Variants in STAC observed in about 807,000 individuals in gnomAD.
The protein encoded by STAC is SH3 and cysteine rich domain, also known as SH3 and cysteine-rich domain-containing protein.
A neutral mutation model predicts 48.8 loss-of-function variants in STAC; 43 were observed. The observed-to-expected ratio is 0.88, with a 90% CI of 0.69 to 1.14. The LOEUF is 1.14. STAC is among the 50% of genes most tolerant of loss of function. The pLI, the probability that STAC is intolerant of heterozygous loss-of-function variation, is 0.00. For synonymous variants in STAC, 193 were observed against 179.5 expected, an observed-to-expected ratio of 1.07 and a Z score of -0.60; for missense variants, 497 against 504.0, an observed-to-expected ratio of 0.99 and a Z score of 0.13.
Position 36,443,734 on chromosome 3 carries a change from C to A in STAC, c.388+94C>A. The A allele has an allele frequency of 1.4e-6, 2 of 1,467,866 alleles. No individual in the cohort carries two copies. Among genetic ancestry groups the A allele is most frequent in the Admixed American group, 1.9e-5 (1 of 53,200 alleles). The allele number at this position is 1,467,866 out of a possible 1,614,324, so 90.9% of individuals were successfully genotyped here. ...GGGTCCAGGTACCTACGGACAGATG[C>A]TAGGCCTCAGAGATTTACATGTGGG... On this transcript the variant is annotated intron_variant, in intron 2 of 10. Coordinates refer to ENST00000273183, the MANE Select transcript of STAC (RefSeq NM_003149.3). The surrounding 1 kb of genome is among the most constrained non-coding windows in gnomAD (Gnocchi z 4.2).
intron 1 of STAC, among the ~76,000 whole-genome samples, chr3:36,387,789 A>G (rs559502342): frequency 1.3e-5 from 2 of 152,214 alleles, no homozygotes; most frequent in Admixed American, 6.5e-5. Context: ...TAATGCTGCT[A>G]TGAAGTGGGT....
intron 10 of STAC, chr3:36,529,240 G>C: frequency 1.2e-5 from 3 of 246,728 alleles, no homozygotes; most frequent in Non-Finnish European, 2.4e-5. Context: ...CGTCCCCCAT[G>C]CTCTTCTCAG....
intron 3 of STAC, among the ~76,000 whole-genome samples, chr3:36,483,963 A>G (rs1697730054): frequency 6.6e-6 from 1 of 152,116 alleles, no homozygotes; most frequent in African/African-American, 2.4e-5. Flanking sequence ...ATTTTTTTTC[A>G]AAAAGCAATC....
rs1005512823 is a variant in STAC at position 36,480,920 on chromosome 3, G to T, written c.389-2072G>T. Among the ~76,000 whole-genome samples, 3 of 152,266 alleles carry T rather than the reference G, an allele frequency of 2.0e-5. No individual in the cohort carries two copies. The South Asian group carries it at 6.2e-4, about 32-fold the overall frequency. ...AGCCTCATTGAGTTCATGGTCCAGAGGGAAAGGCAGACTAAAACAAACTTT... is the reference window on the plus strand; with the variant it reads ...AGCCTCATTGAGTTCATGGTCCAGATGGAAAGGCAGACTAAAACAAACTTT... On this transcript the variant is annotated intron_variant, in intron 2 of 10. Transcript: ENST00000273183.
chr3:36,452,705 C>T (rs1432790909), intron 2 of STAC, among the ~76,000 whole-genome samples: 1 of 152,218 alleles, frequency 6.6e-6, no homozygotes, highest in Non-Finnish European at 1.5e-5. Flanking sequence ...ATGGACTAAG[C>T]ACCAACTGTG....
intron 10 of STAC, among the ~76,000 whole-genome samples, chr3:36,542,322 G>A (rs766591789): frequency 6.6e-6 from 1 of 152,116 alleles, no homozygotes; most frequent in Non-Finnish European, 1.5e-5. Flanking sequence ...TTAGTGGTTT[G>A]CTTGTGGCCC....
intron 8 of STAC, among the ~76,000 whole-genome samples, chr3:36,515,163 G>A (rs935793970): frequency 2.6e-5 from 4 of 152,076 alleles, no homozygotes; most frequent in African/African-American, 9.7e-5. Flanking sequence ...TAGGATAAAT[G>A]TTATTCATCA....
At chr3:36,482,344 G>C (rs944389134) in intron 2 of STAC, among the ~76,000 whole-genome samples, 2 of 152,174 alleles carry the variant, frequency 1.3e-5, no homozygotes, top group Non-Finnish European at 2.9e-5. Context: ...AAGATACCAG[G>C]ATGGCTCTCT....
intron 8 of STAC, among the ~76,000 whole-genome samples, chr3:36,521,346 G>A (rs1024148061): frequency 5.9e-5 from 9 of 152,122 alleles, no homozygotes; most frequent in African/African-American, 1.9e-4. Flanking sequence ...AACCTTGCCT[G>A]TAAATGGTGA....
chr3:36,406,915 T>C (rs1276718832), intron 1 of STAC, among the ~76,000 whole-genome samples: 1 of 152,244 alleles, frequency 6.6e-6, no homozygotes, highest in Non-Finnish European at 1.5e-5. Flanking sequence ...AATGAATTAA[T>C]GTATGGATGA....
chr3:36,423,868 C>T (rs62245731), intron 1 of STAC, among the ~76,000 whole-genome samples: 12,801 of 152,134 alleles, frequency 0.084, 591 homozygotes, highest in African/African-American at 0.12. Context: ...TTGAAGCTCC[C>T]TTCCTCCTCA....
At chr3:36,453,089 T>G (rs1696732230) in intron 2 of STAC, among the ~76,000 whole-genome samples, 1 of 152,250 alleles carries the variant, frequency 6.6e-6, no homozygotes, top group African/African-American at 2.4e-5. Flanking sequence ...ACTGTTGGAG[T>G]CTAGTTTATC....
chr3:36,457,167 A>G (rs2125680616), intron 2 of STAC, among the ~76,000 whole-genome samples: 1 of 152,346 alleles, frequency 6.6e-6, no homozygotes, highest in East Asian at 1.9e-4. Context: ...ACAGTGCCAC[A>G]GGTGATCATC....
chr3:36,382,462 T>C (rs1699531995), intron 1 of STAC, among the ~76,000 whole-genome samples: 1 of 152,228 alleles, frequency 6.6e-6, no homozygotes, highest in African/African-American at 2.4e-5. Context: ...CACCAATTTA[T>C]CTGGCTTATG....
chr3:36,506,491 A>T (rs1698406554), intron 8 of STAC, among the ~76,000 whole-genome samples: 1 of 152,106 alleles, frequency 6.6e-6, no homozygotes, highest in Non-Finnish European at 1.5e-5. Context: ...TGATGGGGAT[A>T]GCATTGAATC....
chr3:36,536,914 A>C (rs1186927290), intron 10 of STAC, among the ~76,000 whole-genome samples: 6 of 152,184 alleles, frequency 3.9e-5, no homozygotes, highest in Non-Finnish European at 8.8e-5. Flanking sequence ...TCTCAAAAGA[A>C]GATATTTATA....
intron 2 of STAC, among the ~76,000 whole-genome samples, chr3:36,456,674 C>T (rs575098409): frequency 5.9e-5 from 9 of 152,270 alleles, no homozygotes; most frequent in South Asian, 4.2e-4. Context: ...AGCATCTCCT[C>T]CCTCAGTAAA....
At chr3:36,497,688 GA>G (rs1412454154) in intron 6 of STAC, among the ~76,000 whole-genome samples, 2 of 150,742 alleles carry the variant, frequency 1.3e-5, no homozygotes, top group Non-Finnish European at 3.0e-5. Flanking sequence ...AGGTGGAAAA[GA>G]ATGGAAACAA....
At chr3:36,390,186 C>T (rs982602358) in intron 1 of STAC, among the ~76,000 whole-genome samples, 3 of 152,142 alleles carry the variant, frequency 2.0e-5, no homozygotes, top group Non-Finnish European at 1.5e-5. Context: ...ACCAAAAGTA[C>T]TTATACAGCC....
Sources: gnomAD v4.1 joint callset for allele counts (sites outside exome capture counted in the v4.1 genomes callset) on GRCh38, gnomAD v4.1.1 for gene constraint, Gnocchi (gnomAD v3.1) non-coding constraint, MANE v1.5 for transcripts, NCBI Gene and HGNC (gene_info 2026-07-23, HGNC 2026-07-21) for gene names.